Variants in PHTF1 observed in about 807,000 individuals in gnomAD.
PHTF1 encodes protein PHTF1.
In PHTF1, 88 loss-of-function variants were observed where a neutral mutation model predicts 102.4. The observed-to-expected ratio is 0.86, with a 90% confidence interval of 0.72 to 1.03. The LOEUF (loss-of-function observed/expected upper bound fraction) is 1.03, where lower values mean the gene tolerates loss of function less well. Among genes scored for constraint, PHTF1 ranks in the 50% least tolerant of loss-of-function variants. The pLI, the probability that PHTF1 is intolerant of heterozygous loss-of-function variation, is 0.00. For synonymous variants in PHTF1, 289 were observed against 305.2 expected (o/e 0.95, Z 0.55); for missense variants, 814 against 909.5 (o/e 0.89, Z 1.35).
At chr1:113,706,935 T>C (rs1373910929) in intron 11 of PHTF1, among the ~76,000 whole-genome samples, 1 of 138,266 alleles carries the variant, frequency 7.2e-6, no homozygotes, top group African/African-American at 2.7e-5. Context: ...CAAGCAATCC[T>C]CCCATCTGCC....
At chr1:113,705,750 C>A (rs185435409) in intron 13 of PHTF1, 140 bp downstream of exon 13, 4 of 670,538 alleles carry the variant, frequency 6.0e-6, no homozygotes, top group African/African-American at 5.5e-5. Context: ...ACAATAAATC[C>A]ACAAATATCA....
At chr1:113,734,114 G>C (rs1477214440) in intron 5 of PHTF1, among the ~76,000 whole-genome samples, 4 of 152,124 alleles carry the variant, frequency 2.6e-5, no homozygotes, top group Non-Finnish European at 5.9e-5. Flanking sequence ...ACAAAAATTA[G>C]TCAGGCATGG....
At chr1:113,752,637 G>T (rs573397093) in intron 3 of PHTF1, among the ~76,000 whole-genome samples, 124 of 152,142 alleles carry the variant, frequency 8.2e-4, no homozygotes, top group African/African-American at 2.8e-3. Context: ...ACCCGCCTTG[G>T]CCTCCCAAAG....
chr1:113,753,713 C>T (rs751937030), intron 3 of PHTF1, among the ~76,000 whole-genome samples: 1 of 151,786 alleles, frequency 6.6e-6, no homozygotes, highest in South Asian at 2.1e-4. Context: ...CATCAGCCAC[C>T]GTGCCCAGCC....
At chr1:113,698,537 G>T in intron 17 of PHTF1, 150 bp from the exon 18 acceptor site, 1 of 606,736 alleles carries the variant, frequency 1.6e-6, no homozygotes. Context: ...AATCCATAAC[G>T]TGTTCTCACC....
intron 3 of PHTF1, among the ~76,000 whole-genome samples, chr1:113,745,408 A>C (rs1458558402): frequency 6.6e-6 from 1 of 152,146 alleles, no homozygotes; most frequent in African/African-American, 2.4e-5. Context: ...AAGTTAAAAA[A>C]CCTACCCCAG....
chr1:113,710,675 G>C (rs1318280603), intron 10 of PHTF1, among the ~76,000 whole-genome samples, 200 bp from the exon 11 acceptor site: 1 of 151,474 alleles, frequency 6.6e-6, no homozygotes, highest in Non-Finnish European at 1.5e-5. Context: ...CTGTCACCCA[G>C]GCTGGAGTGC....
Position 113,698,388 on chromosome 1 carries a change from CT to C in PHTF1, c.2143-2del. ...AGAGTCTAAATGGTGTGTCCAGCTCCTACAAAAAACATCAAAGAATTGAAAT... is the reference window on the plus strand; with the variant it reads ...AGAGTCTAAATGGTGTGTCCAGCTCCACAAAAAACATCAAAGAATTGAAAT... On this transcript the variant is annotated splice_acceptor_variant, in intron 17 of 18. Transcript: ENST00000369604. LOFTEE classifies it high-confidence loss of function. 6.2e-7 allele frequency: 1 copy of C among 1,608,846 alleles called. No individual in the cohort carries two copies. Among genetic ancestry groups the C allele is most frequent in the Non-Finnish European group, 8.5e-7 (1 of 1,177,550 alleles).
intron 7 of PHTF1, among the ~76,000 whole-genome samples, chr1:113,721,809 C>T (rs539951838): frequency 6.6e-6 from 1 of 152,050 alleles, no homozygotes; most frequent in Non-Finnish European, 1.5e-5. Flanking sequence ...GCTGTCTCAG[C>T]CTCCCAAGTA....
chr1:113,721,256 T>C (rs868624089), intron 7 of PHTF1, among the ~76,000 whole-genome samples: 15 of 152,188 alleles, frequency 9.9e-5, no homozygotes, highest in South Asian at 6.2e-4. Flanking sequence ...AAAAAAACCA[T>C]ATAATCATTT....
chr1:113,701,826 T>TAAAAAAAAAAAAAAAAAAAAAAAA (rs34844793), intron 15 of PHTF1, among the ~76,000 whole-genome samples: 3 of 28,002 alleles, frequency 1.1e-4, no homozygotes, highest in Non-Finnish European at 2.0e-4. Context: ...CAATTCCTGG[T>TAAAAAAAAAAAAAAAAAAAAAAAA]AAAAAAAAAA....
intron 18 of PHTF1, 67 bp downstream of exon 18, chr1:113,698,192 TGAA>T: frequency 9.8e-7 from 1 of 1,024,798 alleles, no homozygotes; most frequent in South Asian, 1.4e-5. Context: ...CACACACGTG[TGAA>T]GAACACAGAT....
Position 113,710,259 on chromosome 1 carries a change from G to GA in PHTF1, c.1263dup (p.Gln422SerfsTer16). ...CTTATCATGTCTGCACAGACCTGCT[G>GA]AAAAACATCCTCTTTGGGGTCACGT... On this transcript the variant is annotated frameshift_variant, in exon 11 of 19. Transcript: ENST00000369604. LOFTEE classifies it high-confidence loss of function. 1 of 1,611,324 alleles carries GA rather than the reference G, an allele frequency of 6.2e-7. No homozygotes were observed. Among genetic ancestry groups the GA allele is most frequent in the Non-Finnish European group, 8.5e-7 (1 of 1,178,482 alleles).
At chr1:113,738,026 A>G in intron 5 of PHTF1, 84 bp downstream of exon 5, 3 of 927,094 alleles carry the variant, frequency 3.2e-6, no homozygotes, top group Non-Finnish European at 5.1e-6. Flanking sequence ...GAAAGGGTAA[A>G]TGTAAAATCA....
intron 5 of PHTF1, among the ~76,000 whole-genome samples, chr1:113,729,449 A>G (rs1654316024): frequency 6.6e-6 from 1 of 152,226 alleles, no homozygotes; most frequent in Non-Finnish European, 1.5e-5. Flanking sequence ...TGAGAAGATG[A>G]ATACCCTACT....
intron 17 of PHTF1, among the ~76,000 whole-genome samples, chr1:113,698,616 TATATACAC>T (rs66504304): frequency 0.23 from 25,689 of 114,000 alleles, 2,646 homozygotes; most frequent in South Asian, 0.34. Flanking sequence ...TTTATATATA[TATATACAC>T]ACACACACAC....
intron 3 of PHTF1, among the ~76,000 whole-genome samples, chr1:113,739,284 T>C (rs1655981673): frequency 6.6e-6 from 1 of 152,212 alleles, no homozygotes; most frequent in Non-Finnish European, 1.5e-5. Context: ...TTTGTTTTAG[T>C]TTTTAATCCT....
At chr1:113,709,279 A>C (rs1650693963) in intron 11 of PHTF1, among the ~76,000 whole-genome samples, 1 of 152,162 alleles carries the variant, frequency 6.6e-6, no homozygotes, top group Admixed American at 6.5e-5. Flanking sequence ...TTTCTTGTTC[A>C]TTTTTTAAAA....
rs369333829 is a variant in PHTF1 at position 113,757,671 on chromosome 1, A to G, written c.102+28T>C. On this transcript the variant is annotated intron_variant, in intron 3 of 18. Transcript: ENST00000369604. ...ACTCTTCATATTAATGCAGTGAAAC[A>G]TAGGCGGAATCAAAGAAATCAATTT... 6.7e-6 allele frequency: 10 copies of G among 1,489,508 alleles called. No individual in the cohort carries two copies. In the African/African-American group the frequency reaches 1.2e-4, roughly 18 times the overall value. 92.3% of individuals were successfully genotyped at this position (1,489,508 alleles called of 1,614,324 possible). A position where few individuals can be genotyped will look rare whatever the true frequency, so the allele number is the denominator to read the frequency against.
Sources: gnomAD v4.1 joint callset for allele counts (sites outside exome capture counted in the v4.1 genomes callset) on GRCh38, gnomAD v4.1.1 for gene constraint, MANE v1.5 for transcripts, NCBI Gene and HGNC (gene_info 2026-07-23, HGNC 2026-07-21) for gene names.